The following SCAPER variants were observed in gnomAD, a reference collection of about 807,000 sequenced individuals.
SCAPER encodes the protein S phase cyclin A-associated protein in the endoplasmic reticulum.
A neutral mutation model predicts 182.2 loss-of-function variants in SCAPER; 98 were observed. The observed-to-expected ratio is 0.54, with a 90% CI of 0.46 to 0.64. SCAPER has a LOEUF of 0.64. Among genes scored for constraint, SCAPER ranks in the 30% least tolerant of loss-of-function variants. The pLI is 0.00. For synonymous variants in SCAPER, 605 were observed against 564.6 expected (o/e 1.07, Z -1.01); for missense variants, 1,432 against 1,690.0 (o/e 0.85, Z 2.68).
At chr15:76,724,638 T>C (rs1372746481) in intron 17 of SCAPER, among the ~76,000 whole-genome samples, 1 of 152,158 alleles carries the variant, frequency 6.6e-6, no homozygotes, top group African/African-American at 2.4e-5. Flanking sequence ...TTTATTCTTT[T>C]TTCTCTAAAC....
intron 5 of SCAPER, among the ~76,000 whole-genome samples, chr15:76,808,859 C>T (rs1410381930): frequency 6.6e-6 from 1 of 152,216 alleles, no homozygotes; most frequent in African/African-American, 2.4e-5. Context: ...AAGAATATGG[C>T]ATCACTGCAG....
chr15:76,633,877 G>A (rs1401225658), intron 21 of SCAPER, among the ~76,000 whole-genome samples: 1 of 152,218 alleles, frequency 6.6e-6, no homozygotes, highest in Admixed American at 6.5e-5. Context: ...CTGAACTGGT[G>A]GGTATTCCAA....
intron 17 of SCAPER, among the ~76,000 whole-genome samples, chr15:76,712,399 T>C (rs2059637385): frequency 6.6e-6 from 1 of 152,204 alleles, no homozygotes; most frequent in Non-Finnish European, 1.5e-5. Flanking sequence ...TCTTTTGGCT[T>C]AGGATTGACT....
chr15:76,596,577 C>G (rs2049515842), intron 22 of SCAPER, among the ~76,000 whole-genome samples: 1 of 121,000 alleles, frequency 8.3e-6, no homozygotes, highest in South Asian at 2.5e-4. Context: ...AAAATACTGG[C>G]AAACCAAATC....
At chr15:76,864,694 A>T (rs909418968) in intron 2 of SCAPER, among the ~76,000 whole-genome samples, 4 of 147,268 alleles carry the variant, frequency 2.7e-5, no homozygotes, top group Middle Eastern at 3.5e-3. Flanking sequence ...CCAGATAATA[A>T]TTTTTTTTTT....
At chr15:76,824,051 G>C (rs1353011409) in intron 5 of SCAPER, among the ~76,000 whole-genome samples, 1 of 152,136 alleles carries the variant, frequency 6.6e-6, no homozygotes, top group Non-Finnish European at 1.5e-5. Flanking sequence ...AAAATGATCA[G>C]AGTGGTACCA....
intron 25 of SCAPER, among the ~76,000 whole-genome samples, chr15:76,458,929 C>T (rs1427492138): frequency 6.6e-6 from 1 of 152,128 alleles, no homozygotes; most frequent in Non-Finnish European, 1.5e-5. Flanking sequence ...AGGTTTCATT[C>T]TGTTGTCCAA....
intron 24 of SCAPER, among the ~76,000 whole-genome samples, chr15:76,484,743 G>C (rs1173436441): frequency 6.6e-6 from 1 of 152,066 alleles, no homozygotes; most frequent in South Asian, 2.1e-4. Context: ...AGGATGCAAG[G>C]TTGGCTCAAC....
chr15:76,613,021 T>C (rs2051140424), intron 22 of SCAPER, among the ~76,000 whole-genome samples: 1 of 152,200 alleles, frequency 6.6e-6, no homozygotes, highest in Admixed American at 6.5e-5. Context: ...GACTTCAAAC[T>C]ATACTACAGG....
chr15:76,622,068 C>T (rs2052120040), intron 21 of SCAPER, among the ~76,000 whole-genome samples: 6 of 151,994 alleles, frequency 3.9e-5, no homozygotes, highest in Admixed American at 3.3e-4. Context: ...GTGGAAATAA[C>T]GTGACCAGAC....
intron 1 of SCAPER, among the ~76,000 whole-genome samples, chr15:76,895,528 A>G (rs186512970): frequency 1.3e-3 from 195 of 151,890 alleles, no homozygotes; most frequent in African/African-American, 4.6e-3. Flanking sequence ...AATAAAAGTC[A>G]AGAAAAAAAA....
At chr15:76,782,148 T>G (rs1024845773) in intron 8 of SCAPER, among the ~76,000 whole-genome samples, 4 of 152,044 alleles carry the variant, frequency 2.6e-5, no homozygotes, top group African/African-American at 4.8e-5. Flanking sequence ...ACCCATCTCA[T>G]GTGCAGAGAC....
At chr15:76,556,387 A>G (rs1347603391) in intron 23 of SCAPER, among the ~76,000 whole-genome samples, 1 of 152,184 alleles carries the variant, frequency 6.6e-6, no homozygotes, top group Non-Finnish European at 1.5e-5. Context: ...TCAGAGCTGA[A>G]CTGAATGAAA....
chr15:76,668,645 C>T (rs1407457272), intron 20 of SCAPER, among the ~76,000 whole-genome samples: 4 of 152,132 alleles, frequency 2.6e-5, no homozygotes, highest in Admixed American at 6.5e-5. Flanking sequence ...TATTTGTCAT[C>T]TCCTTATTTC....
chr15:76,829,439 G>A (rs2068270118), intron 5 of SCAPER, among the ~76,000 whole-genome samples: 1 of 152,076 alleles, frequency 6.6e-6, no homozygotes, highest in South Asian at 2.1e-4. Context: ...ACTATCTATA[G>A]AGAATCCATG....
At chr15:76,497,309 G>C (rs283800) in intron 24 of SCAPER, among the ~76,000 whole-genome samples, 148,761 of 152,070 alleles carry the variant, frequency 0.98, 72,846 homozygotes, top group South Asian at 1. Flanking sequence ...GTTCAACTTT[G>C]TGTATTGGAT....
At chr15:76,577,536 G>A (rs770675235) in intron 22 of SCAPER, among the ~76,000 whole-genome samples, 7 of 152,190 alleles carry the variant, frequency 4.6e-5, no homozygotes, top group Non-Finnish European at 1.0e-4. Context: ...TAACTGGGCA[G>A]AATCCTGAGG....
chr15:76,564,037 C>A (rs148230345), intron 23 of SCAPER, among the ~76,000 whole-genome samples: 1 of 152,020 alleles, frequency 6.6e-6, no homozygotes, highest in Non-Finnish European at 1.5e-5. Flanking sequence ...GAGCCATCTA[C>A]GACAAACCCA....
intron 20 of SCAPER, among the ~76,000 whole-genome samples, chr15:76,695,678 C>T (rs2147185707): frequency 6.6e-6 from 1 of 151,894 alleles, no homozygotes; most frequent in South Asian, 2.1e-4. Flanking sequence ...AAAAATTTTC[C>T]TTGAACTAAA....
Sources: gnomAD v4.1 joint callset for allele counts (sites outside exome capture counted in the v4.1 genomes callset) on GRCh38, gnomAD v4.1.1 for gene constraint, MANE v1.5 for transcripts, NCBI Gene and HGNC (gene_info 2026-07-23, HGNC 2026-07-21) for gene names.